The following PYGL variants were observed in gnomAD, a reference collection of about 807,000 sequenced individuals.
PYGL encodes the protein glycogen phosphorylase L.
In PYGL, 90 loss-of-function variants were observed where a neutral mutation model predicts 100.1. That is an observed-to-expected ratio of 0.90 (90% CI 0.76 to 1.07). The LOEUF is 1.07. Ranked by LOEUF, PYGL falls within the 50% of genes least tolerant of loss-of-function variation. The probability of loss-of-function intolerance (pLI) is 0.00; values close to 1 mark genes in which losing one functional copy is unlikely to be tolerated. For missense variants in PYGL, 1,016 were observed against 1,057.6 expected, an observed-to-expected ratio of 0.96 and a Z score of 0.55; for synonymous variants, 373 against 393.0, an observed-to-expected ratio of 0.95 and a Z score of 0.60.
chr14:50,912,374 T>G, intron 13 of PYGL, 71 bp from the exon 14 acceptor site: 1 of 1,561,216 alleles, frequency 6.4e-7, no homozygotes, highest in Non-Finnish European at 8.8e-7. Context: ...TTTTCTTTTT[T>G]TTGAGACGGA....
Position 50,908,837 on chromosome 14 carries a change from G to T in PYGL, c.2296C>A (p.Leu766Ile). The T allele has an allele frequency of 6.4e-7, 1 of 1,566,786 alleles. No homozygotes were observed. The highest frequency in any genetic ancestry group is 8.8e-7 in the Non-Finnish European group (1 of 1,137,054). ...GGAACTCACCTGTCATGATAAAATA[G>T]CATGTTGATGATATCTTTGAAGAGG... is the stretch of plus-strand genomic sequence containing the variant. ...PDLFKDIINM[L>I]FYHDRFKVFA... is the part of the protein sequence containing the mutation. The change falls in exon 18 of 20, where the codon CTA (leucine) becomes ATA (isoleucine). Residue 766 changes from leucine to isoleucine, a missense_variant. Physicochemically the swap from Leu to Ile is conservative, Grantham distance 5. Transcript: ENST00000216392.
At chr14:50,928,018 G>A (rs1368851769) in intron 4 of PYGL, among the ~76,000 whole-genome samples, 1 of 152,186 alleles carries the variant, frequency 6.6e-6, no homozygotes, top group African/African-American at 2.4e-5. Flanking sequence ...ATCCAAGTGA[G>A]CTGTCAGAGC....
chr14:50,915,882 C>T lies in PYGL; in HGVS notation c.1182G>A (p.Glu394=). ...TTTCCAAATGTCGAGGGAGCAGCTTCTCCACCAGGTCCACGGGCCAGCGCT... is the reference window on the plus strand; with the variant it reads ...TTTCCAAATGTCGAGGGAGCAGCTTTTCCACCAGGTCCACGGGCCAGCGCT... ...ALERWPVDLV[E]KLLPRHLEII... is the part of the protein sequence containing the mutation. Residue 394 remains glutamate (E), a synonymous_variant, in exon 10 of 20, where the codon GAG becomes GAA. Coordinates refer to ENST00000216392, the MANE Select transcript of PYGL (RefSeq NM_002863.5). 1.2e-6 allele frequency: 2 copies of T among 1,614,236 alleles called. No individual in the cohort carries two copies. The highest frequency in any genetic ancestry group is 1.7e-6 in the Non-Finnish European group (2 of 1,180,018).
intron 1 of PYGL, among the ~76,000 whole-genome samples, chr14:50,939,063 C>G (rs1424372148): frequency 6.6e-6 from 1 of 152,126 alleles, no homozygotes; most frequent in African/African-American, 2.4e-5. Flanking sequence ...TTGATTGAGA[C>G]ACAGTCTCCC....
chr14:50,912,725 G>A (rs775879732), intron 13 of PYGL, among the ~76,000 whole-genome samples: 17 of 152,174 alleles, frequency 1.1e-4, no homozygotes, highest in African/African-American at 4.1e-4. Flanking sequence ...AGGCCGAGGC[G>A]GGTGGATCAC....
Position 50,936,093 on chromosome 14 carries a change from C to T in PYGL, c.346-908G>A, listed in dbSNP as rs572862994. On this transcript the variant is annotated intron_variant, in intron 2 of 19. Transcript: ENST00000216392. ...AGATCACATTGGATTGCTCATTTTA[C>T]GATGAAAGAATTGTTGGTCAGGCAA... 1.6e-4 allele frequency among the ~76,000 whole-genome samples: 24 copies of T among 152,264 alleles called. No homozygotes were observed. The South Asian group carries it at 3.1e-3, about 20-fold the overall frequency.
At chr14:50,944,121 T>C (rs1433695997) in intron 1 of PYGL, 40 bp downstream of exon 1, 1 of 1,571,032 alleles carries the variant, frequency 6.4e-7, no homozygotes, top group Admixed American at 1.8e-5. Flanking sequence ...AGACTCCGAC[T>C]CCGGGCTGGA....
intron 19 of PYGL, among the ~76,000 whole-genome samples, chr14:50,906,582 C>G (rs757178246): frequency 6.6e-6 from 1 of 152,194 alleles, no homozygotes; most frequent in Non-Finnish European, 1.5e-5. Context: ...AGATGAGCAT[C>G]GTTTGGATTT....
chr14:50,911,800 A>G lies in PYGL; in HGVS notation c.1899T>C (p.Asn633=), dbSNP rs555470884. ...LITSVADVVN[N]DPMVGSKLKV... ...TCAACTTGCTTCCAACCATAGGGTC[A>G]TTGTTCACCACATCTGCCACTGAAG... Residue 633 remains asparagine, a synonymous_variant, in exon 16 of 20, where the codon AAT becomes AAC. Coordinates refer to ENST00000216392, the MANE Select transcript of PYGL (RefSeq NM_002863.5). 1 of 1,614,142 alleles carries G rather than the reference A, an allele frequency of 6.2e-7. No homozygotes were observed. The highest frequency in any genetic ancestry group is 1.3e-5 in the African/African-American group (1 of 75,048).
chr14:50,916,544 A>G, intron 9 of PYGL, 98 bp downstream of exon 9: 1 of 1,115,008 alleles, frequency 9.0e-7, no homozygotes, highest in Non-Finnish European at 1.4e-6. Flanking sequence ...GTTAGCAACA[A>G]TAACTTACTT....
intron 3 of PYGL, among the ~76,000 whole-genome samples, chr14:50,933,164 A>C (rs970730198): frequency 4.6e-5 from 7 of 152,202 alleles, no homozygotes; most frequent in East Asian, 1.9e-4. Context: ...CACAGAGTTA[A>C]CCTAGCTAAC....
At chr14:50,926,744 A>G (rs949390160) in intron 4 of PYGL, among the ~76,000 whole-genome samples, 2 of 150,664 alleles carry the variant, frequency 1.3e-5, no homozygotes, top group Admixed American at 6.6e-5. Context: ...AAAAAAAAAA[A>G]AAAAAAAAAG....
At chr14:50,922,764 T>C (rs1465068690) in intron 5 of PYGL, among the ~76,000 whole-genome samples, 1 of 152,212 alleles carries the variant, frequency 6.6e-6, no homozygotes, top group African/African-American at 2.4e-5. Flanking sequence ...TCCCTGAGAA[T>C]GCTGCTTCTT....
intron 17 of PYGL, 59 bp from the exon 18 acceptor site, chr14:50,909,014 A>G: frequency 2.0e-6 from 3 of 1,509,942 alleles, no homozygotes; most frequent in Non-Finnish European, 2.8e-6. Context: ...TTGTGTGATT[A>G]ACAACACACT....
At chr14:50,922,761 G>A (rs756789570) in intron 5 of PYGL, among the ~76,000 whole-genome samples, 22 of 152,208 alleles carry the variant, frequency 1.4e-4, no homozygotes, top group Admixed American at 2.6e-4. Context: ...CTCTCCCTGA[G>A]AATGCTGCTT....
chr14:50,930,977 A>C (rs74051861), intron 4 of PYGL, among the ~76,000 whole-genome samples: 3,307 of 152,282 alleles, frequency 0.022, 28 homozygotes, highest in African/African-American at 0.035. Flanking sequence ...ATAAAGTAAA[A>C]GTAGTGTCAT....
intron 10 of PYGL, 112 bp downstream of exon 10, chr14:50,915,713 T>G (rs1417644266): frequency 1.3e-6 from 2 of 1,482,462 alleles, no homozygotes; most frequent in Non-Finnish European, 1.8e-6. Context: ...ACTTGAGTAC[T>G]TTTGCTGTAT....
chr14:50,936,173 G>A (rs2050651798), intron 2 of PYGL, among the ~76,000 whole-genome samples: 1 of 152,176 alleles, frequency 6.6e-6, no homozygotes, highest in Non-Finnish European at 1.5e-5. Context: ...GGCTAAAGGT[G>A]GCCTACTGTG....
At chr14:50,931,305 G>A (rs2050598700) in intron 4 of PYGL, among the ~76,000 whole-genome samples, 1 of 152,148 alleles carries the variant, frequency 6.6e-6, no homozygotes, top group Non-Finnish European at 1.5e-5. Flanking sequence ...TATCATCAAG[G>A]GTTCTTGGCT....
Sources: gnomAD v4.1 joint callset for allele counts (sites outside exome capture counted in the v4.1 genomes callset) on GRCh38, gnomAD v4.1.1 for gene constraint, MANE v1.5 for transcripts, NCBI Gene and HGNC (gene_info 2026-07-23, HGNC 2026-07-21) for gene names.